The following ATP6V1A variants were observed in gnomAD, a reference collection of about 807,000 sequenced individuals.
The protein encoded by ATP6V1A is V-type proton ATPase catalytic subunit A.
In ATP6V1A, 18 loss-of-function variants were observed where a neutral mutation model predicts 70.1. That is an observed-to-expected ratio of 0.26 (90% CI 0.18 to 0.38). The LOEUF is 0.38. ATP6V1A is among the 10% of genes least tolerant of loss of function. The pLI is 1.00. For missense variants in ATP6V1A, 424 were observed against 772.4 expected (o/e 0.55, Z 5.35); for synonymous variants, 232 against 253.8 (o/e 0.91, Z 0.82).
intron 8 of ATP6V1A, among the ~76,000 whole-genome samples, chr3:113,790,163 C>T (rs982586800): frequency 4.4e-4 from 67 of 151,598 alleles, no homozygotes; most frequent in African/African-American, 1.5e-3. Flanking sequence ...CCCAGCTACT[C>T]GGGAGGCTGA....
intron 12 of ATP6V1A, among the ~76,000 whole-genome samples, chr3:113,800,800 G>A (rs1245471454): frequency 6.6e-6 from 1 of 152,116 alleles, no homozygotes; most frequent in African/African-American, 2.4e-5. Flanking sequence ...TTTAGCAAAG[G>A]CCTACCCTGG....
intron 1 of ATP6V1A, among the ~76,000 whole-genome samples, chr3:113,763,096 T>C (rs1049660988): frequency 1.8e-4 from 27 of 151,852 alleles, no homozygotes; most frequent in African/African-American, 6.3e-4. Context: ...CTTCCATTTA[T>C]TCTTTTTTTT....
chr3:113,793,134 A>G (rs1203450935), intron 8 of ATP6V1A, among the ~76,000 whole-genome samples: 1 of 152,084 alleles, frequency 6.6e-6, no homozygotes, highest in East Asian at 1.9e-4. Context: ...ATCTTGGCTC[A>G]CTGCAGCCTC....
intron 12 of ATP6V1A, among the ~76,000 whole-genome samples, chr3:113,799,402 C>G (rs1460744439): frequency 6.6e-6 from 1 of 152,040 alleles, no homozygotes; most frequent in East Asian, 1.9e-4. Flanking sequence ...TCTTAGCAAA[C>G]AAGGAATAGA....
intron 8 of ATP6V1A, among the ~76,000 whole-genome samples, chr3:113,793,662 T>G (rs2108037188): frequency 6.6e-6 from 1 of 152,340 alleles, no homozygotes; most frequent in East Asian, 1.9e-4. Flanking sequence ...GTTGAAGCCT[T>G]AATATTGATA....
chr3:113,801,823 A>G (rs887474422), intron 12 of ATP6V1A, among the ~76,000 whole-genome samples: 3 of 151,884 alleles, frequency 2.0e-5, no homozygotes, highest in East Asian at 1.9e-4. Context: ...AAAATAAAAT[A>G]TATATTTTAC....
chr3:113,785,741 T>C lies in ATP6V1A; in HGVS notation c.565-491T>C, dbSNP rs554057989. Among the ~76,000 whole-genome samples the C allele has an allele frequency of 3.1e-4, 47 of 151,306 alleles. 2 individuals are homozygous for C. The South Asian group carries it at 9.2e-3, about 30-fold the overall frequency. On this transcript the variant is annotated intron_variant, in intron 5 of 14. Coordinates refer to ENST00000273398, the MANE Select transcript of ATP6V1A (RefSeq NM_001690.4). ...TAGAGTGCAGTGGCGCGATCTCGGC[T>C]CACTGCATCCTCTGCCTCCTGGGTT...
At chr3:113,784,930 AAT>A (rs1709021244) in intron 5 of ATP6V1A, 97 bp downstream of exon 5, 1 of 1,312,220 alleles carries the variant, frequency 7.6e-7, no homozygotes, top group East Asian at 2.5e-5. Context: ...ATTGATATTT[AAT>A]ACATAAGTTT....
intron 2 of ATP6V1A, among the ~76,000 whole-genome samples, chr3:113,780,053 T>TAA (rs1287969912): frequency 2.0e-5 from 3 of 152,146 alleles, no homozygotes; most frequent in Admixed American, 2.0e-4. Context: ...CTTAAGTACT[T>TAA]AATAAGGTAA....
chr3:113,768,468 C>T (rs768222234), intron 1 of ATP6V1A, among the ~76,000 whole-genome samples: 1 of 152,124 alleles, frequency 6.6e-6, no homozygotes, highest in African/African-American at 2.4e-5. Context: ...TCTATTTTGT[C>T]ATCCTTAGCA....
intron 5 of ATP6V1A, among the ~76,000 whole-genome samples, chr3:113,785,246 C>G (rs987051290): frequency 2.6e-5 from 4 of 152,012 alleles, no homozygotes; most frequent in Non-Finnish European, 2.9e-5. Context: ...TCGAGACCAG[C>G]CTGACCAACA....
intron 1 of ATP6V1A, among the ~76,000 whole-genome samples, chr3:113,765,643 C>T (rs556357252): frequency 6.9e-6 from 1 of 145,412 alleles, no homozygotes; most frequent in Non-Finnish European, 1.5e-5. Context: ...AGTGGCCGGG[C>T]GCGGTGGCTC....
Position 113,748,981 on chromosome 3 carries a change from G to A in ATP6V1A, c.-14+1868G>A, listed in dbSNP as rs573699938. On this transcript the variant is annotated intron_variant, in intron 1 of 14. Transcript: ENST00000273398. ...ACCAGGTGACATTGCACCACGTAAG[G>A]AGAATTCCTTATGTGGTCTGGAAGT... is the stretch of plus-strand genomic sequence containing the variant. Among the ~76,000 whole-genome samples the A allele has an allele frequency of 2.0e-4, 30 of 152,290 alleles. No individual in the cohort carries two copies. The East Asian group carries it at 5.6e-3, about 28-fold the overall frequency.
chr3:113,805,614 G>T (rs1709267918), intron 14 of ATP6V1A, 89 bp downstream of exon 14: 1 of 1,309,514 alleles, frequency 7.6e-7, no homozygotes, highest in Admixed American at 2.3e-5. Context: ...CTGTTGCGAG[G>T]CTGGAGTGCA....
At chr3:113,786,588 C>T (rs543423441) in intron 6 of ATP6V1A, among the ~76,000 whole-genome samples, 2 of 151,780 alleles carry the variant, frequency 1.3e-5, no homozygotes, top group African/African-American at 4.8e-5. Context: ...TCATGGTTGC[C>T]CCCAGAAAGC....
chr3:113,800,838 G>T (rs1290559376), intron 12 of ATP6V1A, among the ~76,000 whole-genome samples: 4 of 152,210 alleles, frequency 2.6e-5, no homozygotes, highest in Non-Finnish European at 5.9e-5. Context: ...GTGACATTGG[G>T]AGAGGAAGTT....
At chr3:113,775,541 T>G (rs1708901285) in intron 1 of ATP6V1A, among the ~76,000 whole-genome samples, 1 of 151,520 alleles carries the variant, frequency 6.6e-6, no homozygotes, top group African/African-American at 2.4e-5. Context: ...CAAGGAACAT[T>G]TAAGGAAATT....
intron 11 of ATP6V1A, 31 bp from the exon 12 acceptor site, chr3:113,798,211 AC>A (rs1382602013): frequency 1.3e-5 from 21 of 1,598,206 alleles, no homozygotes; most frequent in Non-Finnish European, 1.8e-5. Context: ...GAGAAAAATT[AC>A]TGTTTTTGTG....
At chr3:113,757,072 C>T (rs1439516300) in intron 1 of ATP6V1A, among the ~76,000 whole-genome samples, 1 of 152,164 alleles carries the variant, frequency 6.6e-6, no homozygotes, top group Non-Finnish European at 1.5e-5. Flanking sequence ...AAAAGTATCT[C>T]TATGAATCTA....
Sources: allele counts gnomAD v4.1 joint callset (sites outside exome capture counted in the v4.1 genomes callset), GRCh38; gene constraint gnomAD v4.1.1; transcripts MANE v1.5; gene names NCBI Gene and HGNC (gene_info 2026-07-23, HGNC 2026-07-21).